Variants in CFAP61 observed in about 807,000 individuals in gnomAD.
CFAP61 encodes cilia and flagella associated protein 61.
CFAP61 carries 107 observed loss-of-function variants against 135.6 expected under a neutral mutation model. The ratio of observed to expected loss-of-function variants is 0.79; its 90% confidence interval spans 0.67 to 0.93. The LOEUF (loss-of-function observed/expected upper bound fraction) is 0.93, where lower values mean the gene tolerates loss of function less well. Among genes scored for constraint, CFAP61 ranks in the 40% least tolerant of loss-of-function variants. CFAP61 has a pLI of 0.00. For missense variants in CFAP61, 1,507 were observed against 1,556.2 expected, an observed-to-expected ratio of 0.97 and a Z score of 0.53; for synonymous variants, 575 against 578.5, an observed-to-expected ratio of 0.99 and a Z score of 0.09.
intron 21 of CFAP61, among the ~76,000 whole-genome samples, chr20:20,270,136 T>G: frequency 6.6e-6 from 1 of 152,314 alleles, no homozygotes; most frequent in South Asian, 2.1e-4. Context: ...CATATAATTC[T>G]TGTTTCTCTG....
At chr20:20,079,551 A>G (rs537797754) in intron 6 of CFAP61, among the ~76,000 whole-genome samples, 26 of 152,290 alleles carry the variant, frequency 1.7e-4, no homozygotes, top group African/African-American at 6.0e-4. Flanking sequence ...TTATGCAAAC[A>G]GTGTAATGTG....
intron 8 of CFAP61, among the ~76,000 whole-genome samples, chr20:20,103,009 T>G (rs2048134060): frequency 6.6e-6 from 1 of 152,146 alleles, no homozygotes; most frequent in African/African-American, 2.4e-5. Context: ...CTGGCTGGTG[T>G]TAACAGAAAG....
At chr20:20,243,415 T>G (rs554250828) in intron 18 of CFAP61, among the ~76,000 whole-genome samples, 2 of 151,428 alleles carry the variant, frequency 1.3e-5, no homozygotes, top group African/African-American at 4.8e-5. Flanking sequence ...CATCATGCCT[T>G]CTCAACAGTC....
chr20:20,121,954 T>A (rs889316241), intron 8 of CFAP61, among the ~76,000 whole-genome samples: 24 of 152,216 alleles, frequency 1.6e-4, no homozygotes, highest in Non-Finnish European at 3.1e-4. Context: ...TTTAACTTTT[T>A]AAAAATTTTT....
chr20:20,199,952 C>T (rs780823919), intron 17 of CFAP61, 50 bp downstream of exon 17: 6 of 1,600,252 alleles, frequency 3.7e-6, no homozygotes, highest in Non-Finnish European at 5.1e-6. Context: ...CTCCCGCGGG[C>T]CTGGCAGATG....
intron 17 of CFAP61, among the ~76,000 whole-genome samples, chr20:20,223,817 C>T (rs1601489713): frequency 6.6e-6 from 1 of 152,120 alleles, no homozygotes; most frequent in South Asian, 2.1e-4. Flanking sequence ...TGAATCATGA[C>T]ATAAACTCAA....
At chr20:20,313,177 C>G (rs1214566896) in intron 25 of CFAP61, among the ~76,000 whole-genome samples, 1 of 152,190 alleles carries the variant, frequency 6.6e-6, no homozygotes, top group East Asian at 1.9e-4. Context: ...CACTCTCTCT[C>G]TGTCTCTGAT....
At chr20:20,171,691 A>T (rs1159961182) in intron 13 of CFAP61, 2 of 549,578 alleles carry the variant, frequency 3.6e-6, no homozygotes, top group South Asian at 2.6e-5. Context: ...AAAGAGGCAC[A>T]GGCATTACTG....
intron 20 of CFAP61, among the ~76,000 whole-genome samples, chr20:20,255,656 G>A (rs1052762299): frequency 7.9e-5 from 12 of 152,108 alleles, no homozygotes; most frequent in African/African-American, 1.7e-4. Flanking sequence ...CCCAGTAAGA[G>A]ACCTGAGAAA....
intron 6 of CFAP61, among the ~76,000 whole-genome samples, chr20:20,079,360 C>T (rs2046275267): frequency 6.6e-6 from 1 of 152,128 alleles, no homozygotes; most frequent in African/African-American, 2.4e-5. Context: ...CAGAGTTTCA[C>T]AGGAGAGGCC....
intron 15 of CFAP61, among the ~76,000 whole-genome samples, chr20:20,192,770 C>G (rs8125998): frequency 0.082 from 12,447 of 152,184 alleles, 641 homozygotes; most frequent in Middle Eastern, 0.12. Context: ...TGTGATTTCT[C>G]TTGGTATTCT....
At chr20:20,263,883 T>G (rs546790122) in intron 21 of CFAP61, among the ~76,000 whole-genome samples, 83 of 152,304 alleles carry the variant, frequency 5.4e-4, no homozygotes, top group African/African-American at 1.9e-3. Flanking sequence ...ACCTGTGGTT[T>G]AGAGTTCAGT....
intron 26 of CFAP61, 130 bp downstream of exon 26, chr20:20,342,051 TAAAC>T: frequency 1.7e-6 from 1 of 594,354 alleles, no homozygotes; most frequent in Admixed American, 3.2e-5. Flanking sequence ...GTATCTCATA[TAAAC>T]AAACTGCGGA....
At chr20:20,267,240 C>T (rs2052832507) in intron 21 of CFAP61, among the ~76,000 whole-genome samples, 1 of 152,020 alleles carries the variant, frequency 6.6e-6, no homozygotes, top group South Asian at 2.1e-4. Context: ...GTCCAAAAGA[C>T]ACTGGGCCAA....
intron 22 of CFAP61, among the ~76,000 whole-genome samples, chr20:20,283,601 T>C (rs2054357432): frequency 6.6e-6 from 1 of 152,224 alleles, no homozygotes; most frequent in Admixed American, 6.5e-5. Context: ...CTTCTCTGCT[T>C]AGGGACTCTT....
intron 6 of CFAP61, among the ~76,000 whole-genome samples, chr20:20,082,496 T>C (rs1365885582): frequency 6.6e-6 from 1 of 152,236 alleles, no homozygotes; most frequent in Non-Finnish European, 1.5e-5. Flanking sequence ...TACAGTGGGC[T>C]TAATTAATCA....
chr20:20,160,086 G>A (rs1474179138), intron 10 of CFAP61, among the ~76,000 whole-genome samples: 1 of 152,208 alleles, frequency 6.6e-6, no homozygotes, highest in Non-Finnish European at 1.5e-5. Context: ...AGGGTCCTGT[G>A]AACCCTGCTC....
At chr20:20,336,981 C>T (rs1007955393) in intron 25 of CFAP61, among the ~76,000 whole-genome samples, 1 of 152,222 alleles carries the variant, frequency 6.6e-6, no homozygotes, top group Non-Finnish European at 1.5e-5. Context: ...TTGACACAGG[C>T]GTGAGGGCCA....
At chr20:20,302,011 A>G (rs899344063) in intron 25 of CFAP61, among the ~76,000 whole-genome samples, 3 of 152,230 alleles carry the variant, frequency 2.0e-5, no homozygotes, top group African/African-American at 7.2e-5. Context: ...ATTGAGTCCA[A>G]TATCATAACA....
Sources: allele counts gnomAD v4.1 joint callset (sites outside exome capture counted in the v4.1 genomes callset), GRCh38; gene constraint gnomAD v4.1.1; transcripts MANE v1.5; gene names NCBI Gene and HGNC (gene_info 2026-07-23, HGNC 2026-07-21).